Variants in CNTNAP5 observed in about 807,000 individuals in gnomAD.
CNTNAP5 encodes the protein contactin associated protein family member 5.
A neutral mutation model predicts 150.2 loss-of-function variants in CNTNAP5; 72 were observed. The observed-to-expected ratio is 0.48, with a 90% CI of 0.40 to 0.58. The LOEUF is 0.58. CNTNAP5 is among the 20% of genes least tolerant of loss of function. CNTNAP5 has a pLI of 0.00. For missense variants in CNTNAP5, 1,636 were observed against 1,626.2 expected (o/e 1.01, Z -0.10); for synonymous variants, 672 against 619.8 (o/e 1.08, Z -1.25).
At chr2:124,279,958 C>A (rs1381655936) in intron 3 of CNTNAP5, among the ~76,000 whole-genome samples, 3 of 151,328 alleles carry the variant, frequency 2.0e-5, no homozygotes, top group African/African-American at 7.4e-5. Context: ...TGCCTTTCGT[C>A]CTCCTAATAT....
chr2:124,132,177 T>C (rs1262650931), intron 1 of CNTNAP5, among the ~76,000 whole-genome samples: 1 of 152,142 alleles, frequency 6.6e-6, no homozygotes, highest in East Asian at 1.9e-4. Context: ...CAGACTACAC[T>C]TGAGTGGAAA....
intron 3 of CNTNAP5, among the ~76,000 whole-genome samples, chr2:124,268,517 A>G (rs1376953984): frequency 3.9e-5 from 6 of 152,218 alleles, no homozygotes; most frequent in Non-Finnish European, 8.8e-5. Context: ...ATAGAGGCCT[A>G]CCTACCATAT....
Position 124,918,389 on chromosome 2 carries a change from A to G in CNTNAP5, c.*4101A>G, listed in dbSNP as rs1290635831. Among the ~76,000 whole-genome samples, 1 of 152,030 alleles carries G rather than the reference A, an allele frequency of 6.6e-6. No homozygotes were observed. Among genetic ancestry groups the G allele is most frequent in the African/African-American group, 2.4e-5 (1 of 41,412 alleles). ...CCTTCCATCAGTAATTGACTAAAAA[A>G]ATGTTGTCCATTTATGTGAGGTCTC... On this transcript the variant is annotated 3_prime_UTR_variant, in exon 24 of 24. Transcript: ENST00000682447.
chr2:124,883,165 A>G (rs1678002617), intron 21 of CNTNAP5, among the ~76,000 whole-genome samples: 1 of 150,950 alleles, frequency 6.6e-6, no homozygotes, highest in Non-Finnish European at 1.5e-5. Flanking sequence ...AGGCTTAAGC[A>G]GTCCTCCCAC....
In CNTNAP5 at chr2:124,221,798, A is replaced by C; in HGVS notation, c.176A>C (p.Asn59Thr). 1 of 1,603,398 alleles carries C rather than the reference A, an allele frequency of 6.2e-7. No homozygotes were observed. The highest frequency in any genetic ancestry group is 2.2e-5 in the East Asian group (1 of 44,622). ...GGCACTCACAGCCCAGCTCAACTCA[A>C]CTGGAGAGTTGGTAAGTAGGCTGAC... The part of the protein sequence containing the change: ...LTGTHSPAQL[N>T]WRVGTGGWSP... The change falls in exon 2 of 24, where the codon AAC (asparagine) becomes ACC (threonine). Residue 59 changes from asparagine to threonine, a missense_variant. Asn to Thr is a moderately conservative substitution (Grantham distance 65). Coordinates refer to ENST00000682447, the MANE Select transcript of CNTNAP5 (RefSeq NM_001367498.1).
rs181670972 is a variant in CNTNAP5, at chr2:124,878,184, G to A, written c.3436+8422G>A. Among the ~76,000 whole-genome samples, 286 of 152,202 alleles carry A rather than the reference G, an allele frequency of 1.9e-3. 3 individuals are homozygous for A. The highest frequency in any genetic ancestry group is 0.015 in the East Asian group (78 of 5,164). On this transcript the variant is annotated intron_variant, in intron 21 of 23. Coordinates refer to ENST00000682447, the MANE Select transcript of CNTNAP5 (RefSeq NM_001367498.1). ...AGACTTAATGGGCTTAAAAGTAGAG[G>A]TAGAGTGAGGGAGTCTTTAATCATG...
intron 12 of CNTNAP5, among the ~76,000 whole-genome samples, chr2:124,622,095 T>G (rs1677628818): frequency 6.6e-6 from 1 of 152,108 alleles, no homozygotes; most frequent in South Asian, 2.1e-4. Flanking sequence ...CATTAGCTAT[T>G]CTTCCTGATG....
intron 17 of CNTNAP5, chr2:124,778,394 A>C (rs1474000790): frequency 6.6e-6 from 1 of 152,216 alleles, no homozygotes. Flanking sequence ...TACTCTTCTC[A>C]TTTTGTTATG....
intron 3 of CNTNAP5, among the ~76,000 whole-genome samples, chr2:124,244,587 A>G (rs148897067): frequency 1.3e-5 from 2 of 152,230 alleles, no homozygotes; most frequent in East Asian, 3.9e-4. Context: ...ATTGGGAGAG[A>G]GGCAGCTTCA....
At position 124,805,978 on chromosome 2, in the gene CNTNAP5, C is replaced by T. The variant is rs556887166; in HGVS notation, c.3217+7658C>T. Among the ~76,000 whole-genome samples, 82 of 152,248 alleles carry T rather than the reference C, an allele frequency of 5.4e-4. 1 individual carries two copies. Among genetic ancestry groups the T allele is most frequent in the Middle Eastern group, 3.4e-3 (1 of 294 alleles). Reference sequence around the variant, plus strand: ...ATTACTTTGTTAGAGGCCTCCTTTCCGAATACAGCCACACTAGAGTTAGTC... The same window carrying T: ...ATTACTTTGTTAGAGGCCTCCTTTCTGAATACAGCCACACTAGAGTTAGTC... On this transcript the variant is annotated intron_variant, in intron 19 of 23. Transcript: ENST00000682447.
At chr2:124,194,089 C>G (rs977660420) in intron 1 of CNTNAP5, among the ~76,000 whole-genome samples, 16 of 152,170 alleles carry the variant, frequency 1.1e-4, no homozygotes, top group African/African-American at 3.9e-4. Flanking sequence ...TAGGCCTTGG[C>G]GGGCATATCC....
At chr2:124,171,055 A>T (rs1281142718) in intron 1 of CNTNAP5, among the ~76,000 whole-genome samples, 1 of 152,146 alleles carries the variant, frequency 6.6e-6, no homozygotes, top group Non-Finnish European at 1.5e-5. Context: ...TTCATTTCTA[A>T]GTTGCTGAGA....
In CNTNAP5 at chr2:124,798,205, A is replaced by C; in HGVS notation, c.3102A>C (p.Ser1034=). The C allele has an allele frequency of 6.2e-7, 1 of 1,613,816 alleles. No homozygotes were observed. The highest frequency in any genetic ancestry group is 8.5e-7 in the Non-Finnish European group (1 of 1,179,748). ...SLSSSAIYTD[S]APSKENIALS... ...CATCCTCAGCTATTTACACAGATTC[A>C]GCTCCATCCAAGGAAAACATTGCAC... Residue 1034 remains serine, a synonymous_variant, in exon 19 of 24, where the codon TCA becomes TCC. Transcript: ENST00000682447.
chr2:124,261,545 T>C (rs6740852), intron 3 of CNTNAP5, among the ~76,000 whole-genome samples: 4,594 of 152,180 alleles, frequency 0.03, 231 homozygotes, highest in African/African-American at 0.1. Flanking sequence ...ATACCCCTAC[T>C]CCTGCCCCAA....
chr2:124,630,038 T>C (rs531258666), intron 12 of CNTNAP5, among the ~76,000 whole-genome samples: 1 of 148,616 alleles, frequency 6.7e-6, no homozygotes, highest in South Asian at 2.1e-4. Flanking sequence ...AATTCCTGAA[T>C]AGACCAATAT....
At chr2:124,202,682 T>G (rs1573832207) in intron 1 of CNTNAP5, among the ~76,000 whole-genome samples, 3 of 151,946 alleles carry the variant, frequency 2.0e-5, no homozygotes, top group Non-Finnish European at 2.9e-5. Flanking sequence ...AAAAGAGGAG[T>G]AAAGACATGT....
At chr2:124,707,648 G>A (rs948121344) in intron 13 of CNTNAP5, among the ~76,000 whole-genome samples, 5 of 152,206 alleles carry the variant, frequency 3.3e-5, no homozygotes, top group African/African-American at 9.6e-5. Context: ...TTTGAAGGTG[G>A]GAGCCTGAAT....
chr2:124,407,710 A>G (rs1326167861), intron 3 of CNTNAP5, among the ~76,000 whole-genome samples: 2 of 152,212 alleles, frequency 1.3e-5, no homozygotes, highest in African/African-American at 4.8e-5. Flanking sequence ...TTAGAGATAA[A>G]GATCATCTGG....
intron 12 of CNTNAP5, among the ~76,000 whole-genome samples, chr2:124,637,218 G>A (rs11900792): frequency 0.17 from 25,134 of 151,990 alleles, 3,548 homozygotes; most frequent in East Asian, 0.72. Context: ...TGATTGCCAC[G>A]ACCCTTCAAC....
Sources: gnomAD v4.1 joint callset for allele counts (sites outside exome capture counted in the v4.1 genomes callset) on GRCh38, gnomAD v4.1.1 for gene constraint, MANE v1.5 for transcripts, NCBI Gene and HGNC (gene_info 2026-07-23, HGNC 2026-07-21) for gene names.